Variants in PAPSS2 observed in about 807,000 individuals in gnomAD.
PAPSS2 encodes bifunctional 3'-phosphoadenosine 5'-phosphosulfate synthase 2.
A neutral mutation model predicts 66.5 loss-of-function variants in PAPSS2; 61 were observed. That is an observed-to-expected ratio of 0.92 (90% CI 0.75 to 1.14). The LOEUF (loss-of-function observed/expected upper bound fraction) is 1.14, where lower values mean the gene tolerates loss of function less well. PAPSS2 is among the 50% of genes most tolerant of loss of function. PAPSS2 has a pLI of 0.00. For synonymous variants in PAPSS2, 289 were observed against 287.5 expected (o/e 1.01, Z -0.05); for missense variants, 708 against 789.6 (o/e 0.90, Z 1.24).
chr10:87,704,614 A>T (rs1853359506), intron 1 of PAPSS2, among the ~76,000 whole-genome samples: 1 of 152,004 alleles, frequency 6.6e-6, no homozygotes, highest in East Asian at 1.9e-4. Flanking sequence ...ATCTTATTGT[A>T]TATTTTCTCA....
chr10:87,717,208 G>T (rs1853542787), intron 7 of PAPSS2, among the ~76,000 whole-genome samples: 1 of 152,208 alleles, frequency 6.6e-6, no homozygotes, highest in Non-Finnish European at 1.5e-5. Flanking sequence ...TGAAGTAAAG[G>T]TCATTGGACT....
chr10:87,681,351 A>G (rs1853018934), intron 1 of PAPSS2, among the ~76,000 whole-genome samples: 1 of 152,222 alleles, frequency 6.6e-6, no homozygotes, highest in African/African-American at 2.4e-5. Context: ...ACTATCAAAC[A>G]GGAGGAGTTT....
Position 87,746,734 on chromosome 10 carries a change from TTA to T in PAPSS2, c.*766_*767del, listed in dbSNP as rs1853946081. On this transcript the variant is annotated 3_prime_UTR_variant, in exon 13 of 13. Coordinates refer to ENST00000456849, the MANE Select transcript of PAPSS2 (RefSeq NM_001015880.2). ...AACAATGTGGCGATGTCGTGGAAAG[TTA>T]TCTTTCCCGCTCTTTGCTGTGGTCA... 6.6e-6 allele frequency: 1 copy of T among 152,214 alleles called. No homozygotes were observed. The highest frequency in any genetic ancestry group is 2.4e-5 in the African/African-American group (1 of 41,458). The allele number at this position is 152,214 out of a possible 1,614,324, so 9.4% of individuals were successfully genotyped here. A position where few individuals can be genotyped will look rare whatever the true frequency, so the allele number is the denominator to read the frequency against.
In PAPSS2 at chr10:87,727,477, C is replaced by A. The variant is rs1266193901; in HGVS notation, c.1074C>A (p.His358Gln). 1.7e-5 allele frequency: 27 copies of A among 1,611,620 alleles called. 1 individual carries two copies. In the Admixed American group the frequency reaches 3.9e-4, roughly 23 times the overall value. The change falls in exon 9 of 13, where the codon CAC (histidine) becomes CAA (glutamine). Residue 358 changes from histidine (H) to glutamine (Q), a missense_variant. Physicochemically the swap from His to Gln is conservative, Grantham distance 24. Transcript: ENST00000456849. ...TTTGGGGGACAACATGTACAAAACA[C>A]CCCCATATCAAAGTAAGTCACAAAA... is the stretch of plus-strand genomic sequence containing the variant. ...SRVWGTTCTKHPHIKMVMESG... is the reference protein window; with the variant it reads ...SRVWGTTCTKQPHIKMVMESG...
intron 1 of PAPSS2, among the ~76,000 whole-genome samples, chr10:87,690,464 G>A (rs957785255): frequency 1.3e-4 from 20 of 152,272 alleles, no homozygotes; most frequent in Admixed American, 8.5e-4. Flanking sequence ...AGATGGGGGC[G>A]GAGGCAGAAG....
At chr10:87,725,884 T>TACACACACACACACAC (rs60791274) in intron 8 of PAPSS2, among the ~76,000 whole-genome samples, 10,076 of 140,252 alleles carry the variant, frequency 0.072, 567 homozygotes, top group East Asian at 0.27. Context: ...TATGTGTGTA[T>TACACACACACACACAC]ACACACACAC....
At chr10:87,730,164 G>GC (rs1564726261) in intron 9 of PAPSS2, among the ~76,000 whole-genome samples, 4 of 152,166 alleles carry the variant, frequency 2.6e-5, no homozygotes, top group Non-Finnish European at 2.9e-5. Flanking sequence ...CTTCCCCTTT[G>GC]CCCCCTGAAG....
intron 1 of PAPSS2, among the ~76,000 whole-genome samples, chr10:87,693,311 G>A (rs1308062030): frequency 6.6e-6 from 1 of 152,208 alleles, no homozygotes; most frequent in East Asian, 1.9e-4. Context: ...GTCTTTCTTA[G>A]CCTTAGGAAT....
chr10:87,739,480 G>A (rs1180777752), intron 9 of PAPSS2, among the ~76,000 whole-genome samples: 1 of 152,140 alleles, frequency 6.6e-6, no homozygotes, highest in Non-Finnish European at 1.5e-5. Context: ...TAATTAACTG[G>A]AAGAAAACAA....
At chr10:87,678,280 A>G (rs1852973544) in intron 1 of PAPSS2, among the ~76,000 whole-genome samples, 1 of 152,168 alleles carries the variant, frequency 6.6e-6, no homozygotes, top group Non-Finnish European at 1.5e-5. Flanking sequence ...CTCTCACCAT[A>G]TACAAAAATC....
chr10:87,686,600 T>C (rs1356753281), intron 1 of PAPSS2, among the ~76,000 whole-genome samples: 1 of 152,194 alleles, frequency 6.6e-6, no homozygotes, highest in East Asian at 1.9e-4. Context: ...TGAATGTGCT[T>C]AGATCTTGAT....
rs373228712 is a variant in PAPSS2 at position 87,743,501 on chromosome 10, G to A, written c.1351G>A (p.Gly451Ser). The A allele has an allele frequency of 5.0e-5, 80 of 1,614,012 alleles. No homozygotes were observed. Among genetic ancestry groups the A allele is most frequent in the Non-Finnish European group, 5.8e-5 (69 of 1,180,028 alleles). The part of the protein sequence containing the change: ...HPVLLLHPLG[G>S]WTKDDDVPLD... ...GGTCCTCCTACTACACCCTCTGGGCGGCTGGACCAAGGATGACGATGTGCC... is the reference window on the plus strand; with the variant it reads ...GGTCCTCCTACTACACCCTCTGGGCAGCTGGACCAAGGATGACGATGTGCC... Residue 451 changes from glycine to serine, a missense_variant, in exon 11 of 13, where the codon GGC becomes AGC. Physicochemically the swap from Gly to Ser is moderately conservative, Grantham distance 56. Transcript: ENST00000456849.
At chr10:87,661,141 T>TAA in intron 1 of PAPSS2, 10 of 366,558 alleles carry the variant, frequency 2.7e-5, no homozygotes, top group South Asian at 4.2e-5. Context: ...GGGAGAGGTT[T>TAA]AAAAAAAAAA....
rs1357320281 is a variant in PAPSS2 at position 87,659,959 on chromosome 10, G to C, written c.-23G>C. The C allele has an allele frequency of 6.2e-7, 1 of 1,612,016 alleles. No individual in the cohort carries two copies. The highest frequency in any genetic ancestry group is 8.5e-7 in the Non-Finnish European group (1 of 1,179,394). ...CCTTCGGTCTCTGCTCCCGGGACCCGGGCTCCGCCGCAGCCAGCCAGCATG... is the reference window on the plus strand; with the variant it reads ...CCTTCGGTCTCTGCTCCCGGGACCCCGGCTCCGCCGCAGCCAGCCAGCATG... On this transcript the variant is annotated 5_prime_UTR_variant, in exon 1 of 13. Coordinates refer to ENST00000456849, the MANE Select transcript of PAPSS2 (RefSeq NM_001015880.2).
At chr10:87,714,258 C>A in intron 4 of PAPSS2, 76 bp downstream of exon 4, 3 of 1,530,990 alleles carry the variant, frequency 2.0e-6, no homozygotes, top group Non-Finnish European at 2.7e-6. Context: ...CCTCAGAAAT[C>A]TTCCTTGAGT....
intron 1 of PAPSS2, among the ~76,000 whole-genome samples, chr10:87,664,085 TTTG>T (rs985350078): frequency 1.3e-5 from 2 of 152,018 alleles, no homozygotes; most frequent in African/African-American, 2.4e-5. Context: ...TTTTAAAGTT[TTTG>T]TTGTTGTTGT....
At chr10:87,703,099 T>A (rs1023959220) in intron 1 of PAPSS2, among the ~76,000 whole-genome samples, 2 of 152,000 alleles carry the variant, frequency 1.3e-5, no homozygotes, top group African/African-American at 4.8e-5. Context: ...CTCTAATGGG[T>A]CAAACCCAGG....
chr10:87,706,954 C>T (rs181365695), intron 1 of PAPSS2, among the ~76,000 whole-genome samples: 9 of 152,286 alleles, frequency 5.9e-5, no homozygotes, highest in Admixed American at 3.9e-4. Context: ...TCTTGGATTC[C>T]GACCAGATTT....
Position 87,713,145 on chromosome 10 carries a change from T to C in PAPSS2, c.216T>C (p.Pro72=), listed in dbSNP as rs1332577179. 3 of 1,613,454 alleles carry C rather than the reference T, an allele frequency of 1.9e-6. No homozygotes were observed. In the South Asian group the frequency reaches 3.3e-5, roughly 18 times the overall value. The change falls in exon 3 of 13, where the codon CCT becomes CCC. Residue 72 remains proline (P), a synonymous_variant. Transcript: ENST00000456849. ...LEEYLVSHAI[P]CYSLDGDNVR... is the part of the protein sequence containing the mutation. The stretch of plus-strand genomic sequence containing the variant: ...AGTACCTTGTCTCCCATGCCATCCC[T>C]TGTTACTCCCTGGATGGGGACAATG...
Sources: gnomAD v4.1 joint callset for allele counts (sites outside exome capture counted in the v4.1 genomes callset) on GRCh38, gnomAD v4.1.1 for gene constraint, MANE v1.5 for transcripts, NCBI Gene and HGNC (gene_info 2026-07-23, HGNC 2026-07-21) for gene names.